Variants in SDK1 observed in about 807,000 individuals in gnomAD.
The protein encoded by SDK1 is protein sidekick-1.
In SDK1, 157 loss-of-function variants were observed where a neutral mutation model predicts 245.5. The ratio of observed to expected loss-of-function variants is 0.64; its 90% CI spans 0.56 to 0.73. SDK1 has a LOEUF of 0.73. Ranked by LOEUF, SDK1 falls within the 30% of genes least tolerant of loss-of-function variation. The pLI is 0.00. For missense variants in SDK1, 3,583 were observed against 3,002.3 expected (o/e 1.19, Z -4.52); for synonymous variants, 1,647 against 1,278.5 (o/e 1.29, Z -6.15).
intron 28 of SDK1, among the ~76,000 whole-genome samples, chr7:4,141,713 A>C (rs1316647220): frequency 1.3e-5 from 2 of 152,214 alleles, no homozygotes; most frequent in African/African-American, 4.8e-5. Flanking sequence ...GCCTCCAAGC[A>C]TCTTCCACAC....
chr7:3,527,839 G>T (rs141041642), intron 1 of SDK1, among the ~76,000 whole-genome samples: 1 of 151,166 alleles, frequency 6.6e-6, no homozygotes, highest in Admixed American at 6.6e-5. Flanking sequence ...AGTCAGCTAG[G>T]GGGTGAGTGG....
At chr7:3,799,760 G>A (rs1045607463) in intron 4 of SDK1, among the ~76,000 whole-genome samples, 5 of 150,552 alleles carry the variant, frequency 3.3e-5, no homozygotes, top group African/African-American at 1.2e-4. Flanking sequence ...TACTGGGCTC[G>A]TGACTTCTCT....
chr7:3,615,661 A>G (rs1026909708), intron 1 of SDK1, among the ~76,000 whole-genome samples: 5 of 151,650 alleles, frequency 3.3e-5, no homozygotes, highest in Non-Finnish European at 7.4e-5. Context: ...CAGAGACATA[A>G]GAATCCTTCT....
At chr7:3,548,034 C>A (rs1583152174) in intron 1 of SDK1, among the ~76,000 whole-genome samples, 1 of 152,122 alleles carries the variant, frequency 6.6e-6, no homozygotes, top group East Asian at 1.9e-4. Flanking sequence ...AAAAATAAAT[C>A]CAAGAATTTG....
intron 1 of SDK1, among the ~76,000 whole-genome samples, chr7:3,501,644 CTG>C (rs1251930258): frequency 6.6e-6 from 1 of 152,160 alleles, no homozygotes; most frequent in African/African-American, 2.4e-5. Flanking sequence ...ATTTGATCCA[CTG>C]TGTGTACTTT....
intron 1 of SDK1, among the ~76,000 whole-genome samples, chr7:3,405,554 A>T (rs1282331594): frequency 6.6e-6 from 1 of 152,104 alleles, no homozygotes; most frequent in Non-Finnish European, 1.5e-5. Context: ...AGACTGTTTT[A>T]TCTGTTTGTT....
rs77897563 is a variant in SDK1, at chr7:3,885,908, C to T, written c.847+64325C>T. Reference sequence around the variant, plus strand: ...TATGCATTCTGCTGTTGTTTTGTTGCGAATTCTCCCACTTACTCCTAAGTT... The same window carrying T: ...TATGCATTCTGCTGTTGTTTTGTTGTGAATTCTCCCACTTACTCCTAAGTT... On this transcript the variant is annotated intron_variant, in intron 5 of 44. Transcript: ENST00000404826. 6.0e-4 allele frequency among the ~76,000 whole-genome samples: 92 copies of T among 152,242 alleles called. No individual in the cohort carries two copies. In the East Asian group the frequency reaches 0.016, roughly 26 times the overall value.
intron 22 of SDK1, among the ~76,000 whole-genome samples, chr7:4,080,853 A>G (rs1333320172): frequency 6.6e-6 from 1 of 152,162 alleles, no homozygotes; most frequent in Non-Finnish European, 1.5e-5. Flanking sequence ...AACTTAAAGT[A>G]TAATAATAAT....
At chr7:3,549,560 T>A (rs1779336160) in intron 1 of SDK1, among the ~76,000 whole-genome samples, 1 of 152,226 alleles carries the variant, frequency 6.6e-6, no homozygotes, top group South Asian at 2.1e-4. Context: ...TCGATCACAG[T>A]GCACACCAGA....
intron 28 of SDK1, among the ~76,000 whole-genome samples, chr7:4,144,806 C>CGGCTCTGTTCCCCCCGTGCGT (rs1779842113): frequency 6.6e-6 from 1 of 152,210 alleles, no homozygotes; most frequent in African/African-American, 2.4e-5. Context: ...GACCGGAGCG[C>CGGCTCTGTTCCCCCCGTGCGT]GGCTCTGTTC....
chr7:3,525,996 G>T (rs922986624), intron 1 of SDK1, among the ~76,000 whole-genome samples: 1 of 152,100 alleles, frequency 6.6e-6, no homozygotes, highest in African/African-American at 2.4e-5. Flanking sequence ...CACTTTGGGA[G>T]GCTGAGGCAG....
At chr7:4,206,929 G>T (rs1784257331) in intron 36 of SDK1, among the ~76,000 whole-genome samples, 1 of 152,230 alleles carries the variant, frequency 6.6e-6, no homozygotes, top group Non-Finnish European at 1.5e-5. Context: ...GGCTGTTACA[G>T]TGATGAATGA....
chr7:3,993,627 C>T (rs962766213), intron 14 of SDK1, among the ~76,000 whole-genome samples: 12 of 152,100 alleles, frequency 7.9e-5, no homozygotes, highest in Admixed American at 3.9e-4. Context: ...AGAATAAAAA[C>T]GATCACTACA....
At chr7:3,318,255 T>G (rs900084404) in intron 1 of SDK1, among the ~76,000 whole-genome samples, 1 of 152,206 alleles carries the variant, frequency 6.6e-6, no homozygotes, top group African/African-American at 2.4e-5. Flanking sequence ...AGCCGTCTGC[T>G]GTAGTGCATT....
chr7:3,342,871 A>G lies in SDK1; in HGVS notation c.298+40987A>G, dbSNP rs184844074. Among the ~76,000 whole-genome samples the G allele has an allele frequency of 2.1e-4, 32 of 152,308 alleles. 1 individual carries two copies. The highest frequency in any genetic ancestry group is 5.5e-4 in the African/African-American group (23 of 41,576). Reference sequence around the variant, plus strand: ...TCCAGTTGGAAAATGGACAAAAGACATCAACAGACTTTTCACCAAAGAGGA... The same window carrying G: ...TCCAGTTGGAAAATGGACAAAAGACGTCAACAGACTTTTCACCAAAGAGGA... On this transcript the variant is annotated intron_variant, in intron 1 of 44. Coordinates refer to ENST00000404826, the MANE Select transcript of SDK1 (RefSeq NM_152744.4).
intron 5 of SDK1, among the ~76,000 whole-genome samples, chr7:3,896,362 G>C (rs1395752350): frequency 6.6e-6 from 1 of 152,100 alleles, no homozygotes; most frequent in Non-Finnish European, 1.5e-5. Context: ...CCTCTTCCTG[G>C]CCTTGTGTGG....
chr7:3,432,201 G>A (rs981354949), intron 1 of SDK1, among the ~76,000 whole-genome samples: 2 of 150,768 alleles, frequency 1.3e-5, no homozygotes, highest in African/African-American at 4.9e-5. Flanking sequence ...AGATTTTGGG[G>A]TGAACTTTTT....
Position 4,129,897 on chromosome 7 carries a change from C to G in SDK1, c.3940-11C>G. On this transcript the variant is annotated splice_polypyrimidine_tract_variant and intron_variant, in intron 26 of 44. Transcript: ENST00000404826. Reference sequence around the variant, plus strand: ...CCTCCTGATAACCCTCGTGCTGTGTCGATACCACAGATCCTGTTCCGGGCC... The same window carrying G: ...CCTCCTGATAACCCTCGTGCTGTGTGGATACCACAGATCCTGTTCCGGGCC... 2 of 1,613,230 alleles carry G rather than the reference C, an allele frequency of 1.2e-6. No homozygotes were observed. Among genetic ancestry groups the G allele is most frequent in the Non-Finnish European group, 1.7e-6 (2 of 1,179,800 alleles).
intron 1 of SDK1, among the ~76,000 whole-genome samples, chr7:3,597,607 A>AT (rs1201682792): frequency 1.3e-5 from 2 of 152,084 alleles, no homozygotes; most frequent in African/African-American, 2.4e-5. Context: ...TTTGAGATTG[A>AT]TCTGTTTCCT....
Sources: allele counts gnomAD v4.1 joint callset (sites outside exome capture counted in the v4.1 genomes callset), GRCh38; gene constraint gnomAD v4.1.1; transcripts MANE v1.5; gene names NCBI Gene and HGNC (gene_info 2026-07-23, HGNC 2026-07-21).